EPHA6: variants seen among roughly 807,000 people sequenced by gnomAD.
EPHA6 encodes EPH receptor A6.
EPHA6 carries 50 observed loss-of-function variants against 112.0 expected under a neutral mutation model. That is an observed-to-expected ratio of 0.45 (90% CI 0.36 to 0.56). The LOEUF is 0.56. Among genes scored for constraint, EPHA6 ranks in the 20% least tolerant of loss-of-function variants. The pLI, the probability that EPHA6 is intolerant of heterozygous loss-of-function variation, is 0.00. For missense variants in EPHA6, 1,280 were observed against 1,417.4 expected, an observed-to-expected ratio of 0.90 and a Z score of 1.56; for synonymous variants, 529 against 490.7, an observed-to-expected ratio of 1.08 and a Z score of -1.03.
chr3:97,171,634 G>T (rs868181876), intron 3 of EPHA6, among the ~76,000 whole-genome samples: 1 of 152,006 alleles, frequency 6.6e-6, no homozygotes, highest in Non-Finnish European at 1.5e-5. Context: ...GAGAATGATA[G>T]TACAATTACC....
intron 3 of EPHA6, among the ~76,000 whole-genome samples, chr3:97,081,536 C>A (rs1339990304): frequency 6.6e-6 from 1 of 151,518 alleles, no homozygotes; most frequent in Non-Finnish European, 1.5e-5. Flanking sequence ...TTTTTTCTTT[C>A]CAGGTTAGAT....
At chr3:97,275,812 C>T (rs2080055761) in intron 5 of EPHA6, among the ~76,000 whole-genome samples, 2 of 151,490 alleles carry the variant, frequency 1.3e-5, no homozygotes, top group Non-Finnish European at 2.9e-5. Flanking sequence ...TAGAGGTATC[C>T]CATACTGGTG....
chr3:97,616,186 C>A (rs1480448388), intron 13 of EPHA6, among the ~76,000 whole-genome samples: 1 of 152,094 alleles, frequency 6.6e-6, no homozygotes, highest in East Asian at 1.9e-4. Flanking sequence ...CCAAGGCAAC[C>A]AGGCACTGGA....
intron 3 of EPHA6, among the ~76,000 whole-genome samples, chr3:97,191,059 C>G (rs953742721): frequency 4.6e-5 from 7 of 152,024 alleles, no homozygotes; most frequent in Non-Finnish European, 8.8e-5. Flanking sequence ...CCTCTGGTAA[C>G]TGCCATTGTA....
At chr3:97,361,191 T>A (rs887466779) in intron 5 of EPHA6, among the ~76,000 whole-genome samples, 3 of 152,208 alleles carry the variant, frequency 2.0e-5, no homozygotes, top group Non-Finnish European at 4.4e-5. Context: ...GCCTCATTAA[T>A]GTGTACACCT....
At chr3:96,856,776 C>T (rs1322372847) in intron 1 of EPHA6, among the ~76,000 whole-genome samples, 1 of 152,064 alleles carries the variant, frequency 6.6e-6, no homozygotes, top group Admixed American at 6.6e-5. Flanking sequence ...ATTTAGTACT[C>T]TTTAAGAAAT....
At chr3:97,233,997 C>A (rs959674507) in intron 4 of EPHA6, among the ~76,000 whole-genome samples, 1 of 152,012 alleles carries the variant, frequency 6.6e-6, no homozygotes, top group African/African-American at 2.4e-5. Context: ...CAGCAACAAA[C>A]CTAAAATTTT....
At chr3:97,486,553 A>G (rs2091703780) in intron 10 of EPHA6, among the ~76,000 whole-genome samples, 1 of 152,128 alleles carries the variant, frequency 6.6e-6, no homozygotes, top group Admixed American at 6.5e-5. Flanking sequence ...GCATCATAAC[A>G]TGGTGGAAGG....
intron 14 of EPHA6, among the ~76,000 whole-genome samples, chr3:97,691,961 T>G (rs1042197167): frequency 6.6e-6 from 1 of 152,166 alleles, no homozygotes; most frequent in Non-Finnish European, 1.5e-5. Context: ...TTCACAAAAC[T>G]AGGGAAATAG....
At chr3:97,139,480 C>G (rs1463872194) in intron 3 of EPHA6, among the ~76,000 whole-genome samples, 2 of 152,132 alleles carry the variant, frequency 1.3e-5, no homozygotes, top group African/African-American at 4.8e-5. Flanking sequence ...CTCCCCATCT[C>G]TTTAGCAGAA....
intron 5 of EPHA6, among the ~76,000 whole-genome samples, chr3:97,388,218 A>G (rs1035466820): frequency 9.2e-5 from 14 of 152,210 alleles, no homozygotes; most frequent in African/African-American, 3.1e-4. Context: ...AGTCTTTCTC[A>G]TTAAAACTTC....
intron 5 of EPHA6, among the ~76,000 whole-genome samples, chr3:97,299,041 G>T (rs778045523): frequency 2.0e-5 from 3 of 151,996 alleles, no homozygotes; most frequent in Non-Finnish European, 4.4e-5. Flanking sequence ...TTAAAACACT[G>T]CCAGTTGATG....
chr3:97,713,482 C>T (rs2034071607), intron 14 of EPHA6, among the ~76,000 whole-genome samples: 1 of 152,192 alleles, frequency 6.6e-6, no homozygotes, highest in Admixed American at 6.5e-5. Context: ...CCATCGATTT[C>T]TGCAGTGCTT....
At chr3:97,630,544 T>G (rs2093894097) in intron 13 of EPHA6, among the ~76,000 whole-genome samples, 1 of 152,094 alleles carries the variant, frequency 6.6e-6, no homozygotes, top group African/African-American at 2.4e-5. Context: ...GTTATAGAAG[T>G]AATCCTCCAA....
rs1434635976 is a variant in EPHA6 at position 97,085,951 on chromosome 3, A to ATATATATATATATATATATATATATATG, written c.1114+97958_1114+97959insTATATATATATATATATATATATATATG. 2.9e-4 allele frequency among the ~76,000 whole-genome samples: 43 copies of ATATATATATATATATATATATATATATG among 145,904 alleles called. 1 individual carries two copies. The highest frequency in any genetic ancestry group is 1.1e-3 in the African/African-American group (41 of 36,794). ...GTCATATATATATATATATATATAC[A>ATATATATATATATATATATATATATATG]CACTGAGATGGAGTCTCTTGTCACT... On this transcript the variant is annotated intron_variant, in intron 3 of 17. Coordinates refer to ENST00000389672, the MANE Select transcript of EPHA6 (RefSeq NM_001080448.3).
chr3:96,882,282 G>C (rs1255421750), intron 2 of EPHA6, among the ~76,000 whole-genome samples: 2 of 152,182 alleles, frequency 1.3e-5, no homozygotes, highest in Non-Finnish European at 2.9e-5. Context: ...ACTTCTGCCT[G>C]GACATCCAGG....
chr3:97,348,925 C>A lies in EPHA6; in HGVS notation c.1607-56225C>A, dbSNP rs114401183. 4.4e-3 allele frequency among the ~76,000 whole-genome samples: 675 copies of A among 152,004 alleles called. 12 individuals carry two copies. Among genetic ancestry groups the A allele is most frequent in the African/African-American group, 0.015 (640 of 41,480 alleles). On this transcript the variant is annotated intron_variant, in intron 5 of 17. Coordinates refer to ENST00000389672, the MANE Select transcript of EPHA6 (RefSeq NM_001080448.3). ...TAGTTAGACTGCTAATATAATTTTA[C>A]CAAATAGACAATTATCAGAAATAAT...
intron 6 of EPHA6, among the ~76,000 whole-genome samples, chr3:97,442,691 A>G (rs1403116861): frequency 6.6e-6 from 1 of 152,174 alleles, no homozygotes; most frequent in African/African-American, 2.4e-5. Context: ...TTGAGAATCC[A>G]CATTAGTAAT....
intron 3 of EPHA6, among the ~76,000 whole-genome samples, chr3:97,090,265 G>A (rs537515615): frequency 2.0e-5 from 3 of 152,030 alleles, no homozygotes; most frequent in South Asian, 4.2e-4. Context: ...TTTTGACAAG[G>A]ATGTTTTATA....
Sources: allele counts gnomAD v4.1 joint callset (sites outside exome capture counted in the v4.1 genomes callset), GRCh38; gene constraint gnomAD v4.1.1; transcripts MANE v1.5; gene names NCBI Gene and HGNC (gene_info 2026-07-23, HGNC 2026-07-21).